AK2: variants seen among roughly 807,000 people sequenced by gnomAD.
AK2 encodes adenylate kinase 2.
In AK2, 15 loss-of-function variants were observed where a neutral mutation model predicts 24.6. The observed-to-expected ratio is 0.61, with a 90% CI of 0.41 to 0.94. AK2 has a LOEUF of 0.94. Ranked by LOEUF, AK2 falls within the 40% of genes least tolerant of loss-of-function variation. AK2 has a pLI of 0.00. For synonymous variants in AK2, 102 were observed against 114.0 expected, an observed-to-expected ratio of 0.90 and a Z score of 0.67; for missense variants, 257 against 304.1, an observed-to-expected ratio of 0.85 and a Z score of 1.15.
At chr1:33,035,183 G>A (rs907320460) in intron 1 of AK2, among the ~76,000 whole-genome samples, 9 of 152,148 alleles carry the variant, frequency 5.9e-5, no homozygotes, top group African/African-American at 2.2e-4. Flanking sequence ...TGTCAACAAC[G>A]CTGAGGATAA....
intron 1 of AK2, among the ~76,000 whole-genome samples, chr1:33,034,834 T>C (rs1045878181): frequency 5.9e-5 from 9 of 152,200 alleles, no homozygotes; most frequent in Admixed American, 5.9e-4. Flanking sequence ...TGATCGCCTG[T>C]GTCCAGGAGT....
At position 33,022,505 on chromosome 1, in the gene AK2, A is replaced by G. The variant is rs146172901; in HGVS notation, c.220-802T>C. Among the ~76,000 whole-genome samples, 188 of 151,804 alleles carry G rather than the reference A, an allele frequency of 1.2e-3. 3 individuals carry two copies. The highest frequency in any genetic ancestry group is 4.3e-3 in the African/African-American group (177 of 41,432). On this transcript the variant is annotated intron_variant, in intron 2 of 5. Transcript: ENST00000672715. Reference sequence around the variant, plus strand: ...CAAACAGCTGGGACTACAGGCGCACACGACCATGCCCAGCTAATTTTTTGT... The same window carrying G: ...CAAACAGCTGGGACTACAGGCGCACGCGACCATGCCCAGCTAATTTTTTGT...
At chr1:33,018,440 C>CA (rs1271614687) in intron 4 of AK2, among the ~76,000 whole-genome samples, 135 of 150,406 alleles carry the variant, frequency 9.0e-4, no homozygotes, top group African/African-American at 1.7e-3. Context: ...ATGACAACAA[C>CA]AAAAAAAAAC....
rs1437722523 is a variant in AK2 at position 33,013,030 on chromosome 1, A to G, written c.*151T>C. The G allele has an allele frequency of 1.3e-6, 2 of 1,597,922 alleles. No individual in the cohort carries two copies. The highest frequency in any genetic ancestry group is 1.7e-6 in the Non-Finnish European group (2 of 1,178,786). On this transcript the variant is annotated 3_prime_UTR_variant, in exon 6 of 6. Coordinates refer to ENST00000672715, the MANE Select transcript of AK2 (RefSeq NM_001625.4). ...ACACATACACACAGATGAGAGTAGCACACACGCCAAAGATACATCAAGCAA... is the reference window on the plus strand; with the variant it reads ...ACACATACACACAGATGAGAGTAGCGCACACGCCAAAGATACATCAAGCAA...
At position 33,012,665 on chromosome 1, in the gene AK2, G is replaced by C; in HGVS notation, c.*516C>G. 7.9e-7 allele frequency: 1 copy of C among 1,273,406 alleles called. No homozygotes were observed. The highest frequency in any genetic ancestry group is 1.2e-5 in the South Asian group (1 of 80,516). 78.9% of individuals were successfully genotyped at this position (1,273,406 alleles called of 1,614,324 possible). On this transcript the variant is annotated 3_prime_UTR_variant, in exon 6 of 6. Transcript: ENST00000672715. ...TGATCCTGGCACTTCAGGAGGCCAAGGTGGGTGGATTGCTTAAGCCTAGGA... is the reference window on the plus strand; with the variant it reads ...TGATCCTGGCACTTCAGGAGGCCAACGTGGGTGGATTGCTTAAGCCTAGGA...
chr1:33,024,716 C>G, intron 1 of AK2, 149 bp from the exon 2 acceptor site: 1 of 903,958 alleles, frequency 1.1e-6, no homozygotes, highest in Non-Finnish European at 1.8e-6. Flanking sequence ...ATAAAAGTAC[C>G]TTATATTACA....
chr1:33,023,900 G>A (rs1458337408), intron 2 of AK2, among the ~76,000 whole-genome samples: 1 of 152,224 alleles, frequency 6.6e-6, no homozygotes, highest in Non-Finnish European at 1.5e-5. Flanking sequence ...GCCAAGTGCG[G>A]TGGCTCACGC....
Position 33,010,027 on chromosome 1 carries a change from T to G in AK2, c.*3154A>C. 1 of 454,632 alleles carries G rather than the reference T, an allele frequency of 2.2e-6. No homozygotes were observed. The highest frequency in any genetic ancestry group is 4.4e-6 in the Non-Finnish European group (1 of 226,814). The allele number at this position is 454,632 out of a possible 1,614,324, so 28.2% of individuals were successfully genotyped here. Reference sequence around the variant, plus strand: ...AATACATCACAGTGCTGTTGAGTGATCCCAGTCACAGGATTTGAGAATGGA... The same window carrying G: ...AATACATCACAGTGCTGTTGAGTGAGCCCAGTCACAGGATTTGAGAATGGA... On this transcript the variant is annotated 3_prime_UTR_variant, in exon 6 of 6. Coordinates refer to ENST00000672715, the MANE Select transcript of AK2 (RefSeq NM_001625.4).
chr1:33,035,786 C>T (rs1480293740), intron 1 of AK2, among the ~76,000 whole-genome samples: 1 of 152,134 alleles, frequency 6.6e-6, no homozygotes, highest in Admixed American at 6.5e-5. Flanking sequence ...CCTGAGGTCT[C>T]AGGCTCATGA....
chr1:33,024,373 C>T, intron 2 of AK2, 69 bp downstream of exon 2: 3 of 1,603,564 alleles, frequency 1.9e-6, no homozygotes, highest in East Asian at 2.2e-5. Context: ...TGGCTGGTGG[C>T]TACCATATTG....
At chr1:33,015,822 G>A (rs1204959863) in intron 4 of AK2, among the ~76,000 whole-genome samples, 1 of 152,016 alleles carries the variant, frequency 6.6e-6, no homozygotes, top group Non-Finnish European at 1.5e-5. Context: ...TGGGGGTGGA[G>A]GTTGCAGTGA....
chr1:33,013,862 C>T (rs1639005620), intron 5 of AK2, among the ~76,000 whole-genome samples: 1 of 152,116 alleles, frequency 6.6e-6, no homozygotes, highest in South Asian at 2.1e-4. Flanking sequence ...CTAAAAGTGG[C>T]AAGTAAAATA....
chr1:33,022,693 A>C (rs1416418652), intron 2 of AK2, among the ~76,000 whole-genome samples: 1 of 152,042 alleles, frequency 6.6e-6, no homozygotes, highest in Non-Finnish European at 1.5e-5. Context: ...CTAAAACCCC[A>C]ATAAGGACTT....
Position 33,012,481 on chromosome 1 carries a change from G to C in AK2, c.*700C>G. On this transcript the variant is annotated 3_prime_UTR_variant, in exon 6 of 6. Coordinates refer to ENST00000672715, the MANE Select transcript of AK2 (RefSeq NM_001625.4). Reference sequence around the variant, plus strand: ...CCCTGCCTGACTTCACATGATCCTGGACTTCTAATCAGCTGCTGGAAATGG... The same window carrying C: ...CCCTGCCTGACTTCACATGATCCTGCACTTCTAATCAGCTGCTGGAAATGG... The C allele has an allele frequency of 7.1e-7, 1 of 1,400,960 alleles. No individual in the cohort carries two copies. The highest frequency in any genetic ancestry group is 9.4e-7 in the Non-Finnish European group (1 of 1,063,390). 86.8% of individuals were successfully genotyped at this position (1,400,960 alleles called of 1,614,324 possible). A position where few individuals can be genotyped will look rare whatever the true frequency, so the allele number is the denominator to read the frequency against.
Position 33,024,569 on chromosome 1 carries a change from T to C in AK2, c.94-2A>G, listed in dbSNP as rs749983131. ...GAAGTTTTCAGCCAATCTGGGTGCC[T>C]ACAGAGAGGAAGACAAAAACCAAGA... is the stretch of plus-strand genomic sequence containing the variant. On this transcript the variant is annotated splice_acceptor_variant, in intron 1 of 5. Transcript: ENST00000672715. LOFTEE classifies it high-confidence loss of function. The C allele has an allele frequency of 1.9e-6, 3 of 1,614,106 alleles. No individual in the cohort carries two copies. The highest frequency in any genetic ancestry group is 1.7e-6 in the Non-Finnish European group (2 of 1,179,988).
At chr1:33,028,747 G>A (rs1216870435) in intron 1 of AK2, among the ~76,000 whole-genome samples, 1 of 152,142 alleles carries the variant, frequency 6.6e-6, no homozygotes, top group Admixed American at 6.6e-5. Flanking sequence ...GGTAATTATG[G>A]GAATGCTAAA....
chr1:33,026,305 T>G (rs2124354733), intron 1 of AK2, among the ~76,000 whole-genome samples: 1 of 152,280 alleles, frequency 6.6e-6, no homozygotes, highest in Non-Finnish European at 1.5e-5. Flanking sequence ...GCTCAGGTGA[T>G]TCTCCTGCCT....
intron 4 of AK2, chr1:33,019,887 T>C (rs1639423045): frequency 7.4e-7 from 1 of 1,345,154 alleles, no homozygotes; most frequent in African/African-American, 1.5e-5. Flanking sequence ...TACACAGCAA[T>C]TAAAAGTAAT....
chr1:33,020,228 C>A lies in AK2; in HGVS notation c.425+1139G>T, dbSNP rs532218218. ...ACACACACACACACACACACACACA[C>A]AAAGTGGCTGTACTATGAGCAAATT... On this transcript the variant is annotated intron_variant, in intron 4 of 5. Transcript: ENST00000672715. 53 of 1,064,374 alleles carry A rather than the reference C, an allele frequency of 5.0e-5. No homozygotes were observed. The African/African-American group carries it at 7.3e-4, about 15-fold the overall frequency. The allele number at this position is 1,064,374 out of a possible 1,614,324, so 65.9% of individuals were successfully genotyped here.
Sources: allele counts gnomAD v4.1 joint callset (sites outside exome capture counted in the v4.1 genomes callset), GRCh38; gene constraint gnomAD v4.1.1; transcripts MANE v1.5; gene names NCBI Gene and HGNC (gene_info 2026-07-23, HGNC 2026-07-21).